The following FRMD5 variants were observed in gnomAD, a reference collection of about 807,000 sequenced individuals.
FRMD5 encodes FERM domain containing 5.
Under a neutral mutation model 69.0 loss-of-function variants are expected in FRMD5, and 20 were observed. The observed-to-expected ratio is 0.29, with a 90% CI of 0.20 to 0.42. The LOEUF (loss-of-function observed/expected upper bound fraction) is 0.42. Among genes scored for constraint, FRMD5 ranks in the 10% least tolerant of loss-of-function variants. FRMD5 has a pLI of 1.00. For synonymous variants in FRMD5, 271 were observed against 260.1 expected, an observed-to-expected ratio of 1.04 and a Z score of -0.40; for missense variants, 595 against 708.6, an observed-to-expected ratio of 0.84 and a Z score of 1.82.
chr15:44,032,109 T>C (rs1891709772), intron 1 of FRMD5, among the ~76,000 whole-genome samples: 1 of 152,106 alleles, frequency 6.6e-6, no homozygotes, highest in African/African-American at 2.4e-5. Flanking sequence ...GGAAAAAGAC[T>C]CCCTATTCAA....
At chr15:44,141,048 T>A (rs969984619) in intron 1 of FRMD5, among the ~76,000 whole-genome samples, 1 of 151,876 alleles carries the variant, frequency 6.6e-6, no homozygotes, top group Non-Finnish European at 1.5e-5. Context: ...CCAATTACAA[T>A]AGCAATAAAC....
chr15:44,063,842 A>T, intron 1 of FRMD5: 1 of 280,824 alleles, frequency 3.6e-6, no homozygotes, highest in Non-Finnish European at 6.9e-6. Context: ...GCTGGGACTC[A>T]TTTAGACGGG....
At chr15:44,082,220 G>C (rs908364032) in intron 1 of FRMD5, among the ~76,000 whole-genome samples, 2 of 151,942 alleles carry the variant, frequency 1.3e-5, no homozygotes, top group African/African-American at 4.8e-5. Context: ...GAGGGGAAAA[G>C]TTGAGTTTAA....
chr15:43,911,992 C>G (rs900110440), intron 4 of FRMD5, among the ~76,000 whole-genome samples: 1 of 152,180 alleles, frequency 6.6e-6, no homozygotes, highest in African/African-American at 2.4e-5. Flanking sequence ...CTCTCCTCAG[C>G]GCTTGCTACT....
At chr15:44,130,103 C>T (rs147247274) in intron 1 of FRMD5, among the ~76,000 whole-genome samples, 1 of 152,304 alleles carries the variant, frequency 6.6e-6, no homozygotes, top group Non-Finnish European at 1.5e-5. Flanking sequence ...GGCGCTCCCT[C>T]CAGGTGGGCT....
rs1226332656 is a variant in FRMD5 at position 44,140,865 on chromosome 15, AGAGT to A, written c.102+54084_102+54087del. Among the ~76,000 whole-genome samples the A allele has an allele frequency of 1.1e-3, 61 of 54,522 alleles. 1 individual carries two copies. The East Asian group carries it at 0.031, about 28-fold the overall frequency. The allele number at this position is 54,522 out of a possible 152,430, so 35.8% of individuals were successfully genotyped here. A position where few individuals can be genotyped will look rare whatever the true frequency, so the allele number is the denominator to read the frequency against. ...ATCATTGCACTCTAGCCTGGGTGAC[AGAGT>A]GAGACTGTCTCAAAAAAAAAAAAAA... On this transcript the variant is annotated intron_variant, in intron 1 of 13. Coordinates refer to ENST00000417257, the MANE Select transcript of FRMD5 (RefSeq NM_032892.5).
At chr15:43,981,804 G>A (rs1030349595) in intron 1 of FRMD5, among the ~76,000 whole-genome samples, 19 of 152,122 alleles carry the variant, frequency 1.2e-4, no homozygotes, top group South Asian at 2.1e-4. Context: ...CATCTCCATC[G>A]AGTTGTCTTC....
At chr15:44,016,409 A>T (rs1360197710) in intron 1 of FRMD5, among the ~76,000 whole-genome samples, 1 of 152,142 alleles carries the variant, frequency 6.6e-6, no homozygotes, top group Non-Finnish European at 1.5e-5. Flanking sequence ...GGCATTGTGG[A>T]AACTACCATT....
chr15:43,954,558 G>C (rs556615777), intron 1 of FRMD5, among the ~76,000 whole-genome samples: 1 of 152,314 alleles, frequency 6.6e-6, no homozygotes, highest in South Asian at 2.1e-4. Flanking sequence ...AAAATGTGTA[G>C]GTGATAATGT....
At chr15:44,071,781 G>A (rs1257764631) in intron 1 of FRMD5, among the ~76,000 whole-genome samples, 5 of 152,142 alleles carry the variant, frequency 3.3e-5, no homozygotes, top group Non-Finnish European at 7.4e-5. Flanking sequence ...AAAGTACATT[G>A]ACTATATTCT....
intron 1 of FRMD5, among the ~76,000 whole-genome samples, chr15:43,935,530 A>T (rs990490996): frequency 6.6e-5 from 10 of 152,152 alleles, no homozygotes; most frequent in African/African-American, 2.2e-4. Flanking sequence ...TTGGAAATGT[A>T]TGTCTTAATG....
At chr15:43,989,817 G>C in intron 1 of FRMD5, 1 of 1,031,542 alleles carries the variant, frequency 9.7e-7, no homozygotes. Context: ...TCTCCAACAT[G>C]ATCTGGGTCA....
intron 1 of FRMD5, among the ~76,000 whole-genome samples, chr15:44,117,720 G>C (rs1441340032): frequency 6.6e-6 from 1 of 152,206 alleles, no homozygotes; most frequent in African/African-American, 2.4e-5. Context: ...ATTTATGAAG[G>C]CTAAGGCCTT....
intron 1 of FRMD5, among the ~76,000 whole-genome samples, chr15:44,192,428 C>T (rs2078212415): frequency 6.6e-6 from 1 of 152,102 alleles, no homozygotes; most frequent in African/African-American, 2.4e-5. Flanking sequence ...TGGCATACAA[C>T]ACTTTAAGGA....
chr15:44,077,363 C>A (rs903496242), intron 1 of FRMD5, among the ~76,000 whole-genome samples: 2 of 151,860 alleles, frequency 1.3e-5, no homozygotes, highest in Admixed American at 6.6e-5. Flanking sequence ...AAAATCATTA[C>A]AAAGAAATGG....
At chr15:44,153,839 G>A in intron 1 of FRMD5, among the ~76,000 whole-genome samples, 1 of 152,144 alleles carries the variant, frequency 6.6e-6, no homozygotes, top group East Asian at 1.9e-4. Flanking sequence ...ATAATGGCAG[G>A]TGCCTGCTAT....
chr15:44,165,655 G>A (rs1386153922), intron 1 of FRMD5, among the ~76,000 whole-genome samples: 3 of 152,066 alleles, frequency 2.0e-5, no homozygotes, highest in African/African-American at 7.2e-5. Flanking sequence ...GGGCAACATG[G>A]TGAAACCCCA....
At chr15:44,037,046 T>C (rs2140302014) in intron 1 of FRMD5, among the ~76,000 whole-genome samples, 1 of 152,294 alleles carries the variant, frequency 6.6e-6, no homozygotes, top group African/African-American at 2.4e-5. Flanking sequence ...TGCATGTTTG[T>C]TACATAGGTA....
intron 1 of FRMD5, among the ~76,000 whole-genome samples, chr15:44,027,850 T>C (rs1015815586): frequency 1.3e-5 from 2 of 152,052 alleles, no homozygotes; most frequent in African/African-American, 4.8e-5. Context: ...TTCACTGTGT[T>C]AGCCAGAATG....
Sources: allele counts gnomAD v4.1 joint callset (sites outside exome capture counted in the v4.1 genomes callset), GRCh38; gene constraint gnomAD v4.1.1; transcripts MANE v1.5; gene names NCBI Gene and HGNC (gene_info 2026-07-23, HGNC 2026-07-21).